The following TTC39B variants were observed in gnomAD, a reference collection of about 807,000 sequenced individuals.
TTC39B encodes tetratricopeptide repeat protein 39B.
Under a neutral mutation model 96.6 loss-of-function variants are expected in TTC39B, and 92 were observed. The ratio of observed to expected loss-of-function variants is 0.95; its 90% CI spans 0.80 to 1.13. The LOEUF is 1.13. TTC39B is among the 50% of genes most tolerant of loss of function. TTC39B has a pLI of 0.00. For missense variants in TTC39B, 955 were observed against 809.3 expected, an observed-to-expected ratio of 1.18 and a Z score of -2.18; for synonymous variants, 367 against 299.4, an observed-to-expected ratio of 1.23 and a Z score of -2.33.
intron 6 of TTC39B, among the ~76,000 whole-genome samples, chr9:15,206,118 AG>A (rs759687471): frequency 1.3e-5 from 2 of 152,192 alleles, no homozygotes; most frequent in African/African-American, 2.4e-5. Context: ...AAAAGGCATG[AG>A]AGTTTGAACT....
intron 8 of TTC39B, among the ~76,000 whole-genome samples, chr9:15,199,383 A>G (rs1047203895): frequency 1.3e-5 from 2 of 152,184 alleles, no homozygotes; most frequent in Non-Finnish European, 2.9e-5. Context: ...CTGTTGTCCT[A>G]TAACACTGAA....
chr9:15,257,188 A>T (rs1295136177), intron 2 of TTC39B, among the ~76,000 whole-genome samples: 1 of 152,224 alleles, frequency 6.6e-6, no homozygotes, highest in African/African-American at 2.4e-5. Flanking sequence ...CTATAGCTCT[A>T]TATCAATGTT....
chr9:15,187,122 C>A, intron 14 of TTC39B, 87 bp from the exon 15 acceptor site: 5 of 941,654 alleles, frequency 5.3e-6, no homozygotes, highest in South Asian at 2.0e-5. Context: ...AACAAGTCTT[C>A]CAGATATAAA....
rs367555614 is a variant in TTC39B, at chr9:15,247,551, C to T, written c.275+20363G>A. ...GATGTTGGTGAACAGCATTCTGGAC[C>T]TAAAATTCAAGAAACCCTTGATTTT... On this transcript the variant is annotated intron_variant, in intron 2 of 19. Transcript: ENST00000512701. Among the ~76,000 whole-genome samples the T allele has an allele frequency of 1.0e-3, 155 of 152,258 alleles. 1 individual carries two copies. Among genetic ancestry groups the T allele is most frequent in the African/African-American group, 2.8e-3 (115 of 41,526 alleles).
intron 13 of TTC39B, among the ~76,000 whole-genome samples, chr9:15,189,230 A>T (rs1818710443): frequency 6.6e-6 from 1 of 152,182 alleles, no homozygotes; most frequent in African/African-American, 2.4e-5. Context: ...CCTGCATGTC[A>T]CACAGGGGCT....
intron 1 of TTC39B, among the ~76,000 whole-genome samples, chr9:15,284,642 G>C (rs10961955): frequency 6.6e-6 from 1 of 152,038 alleles, no homozygotes; most frequent in African/African-American, 2.4e-5. Flanking sequence ...ATAAAAGCTG[G>C]ATTTGCATTT....
intron 2 of TTC39B, among the ~76,000 whole-genome samples, chr9:15,254,984 C>A (rs1352469589): frequency 6.6e-6 from 1 of 151,554 alleles, no homozygotes; most frequent in Non-Finnish European, 1.5e-5. Flanking sequence ...ACAGGGGAGA[C>A]CAAATACTAT....
chr9:15,249,766 C>T (rs1188038671), intron 2 of TTC39B: 4 of 501,210 alleles, frequency 8.0e-6, no homozygotes, highest in Non-Finnish European at 1.1e-5. Context: ...TTAATGAAGA[C>T]AATGTCATCT....
chr9:15,187,355 G>C (rs144380338), intron 14 of TTC39B, among the ~76,000 whole-genome samples: 1 of 152,252 alleles, frequency 6.6e-6, no homozygotes, highest in East Asian at 1.9e-4. Context: ...TGAAAAGCCT[G>C]GGCATCAGGG....
chr9:15,234,016 TGGGATGTGAGGAGCGCCTCTGACCCGCC>T (rs1564373581), intron 2 of TTC39B, among the ~76,000 whole-genome samples: 5 of 119,334 alleles, frequency 4.2e-5, no homozygotes, highest in African/African-American at 2.1e-4. Context: ...CTGCCCCGTC[TGGGATGTGAGGAGCGCCTCTGACCCGCC>T]GCCCCGTCTG....
intron 18 of TTC39B, among the ~76,000 whole-genome samples, chr9:15,175,346 C>G (rs1817876558): frequency 6.6e-6 from 1 of 151,968 alleles, no homozygotes; most frequent in Non-Finnish European, 1.5e-5. Context: ...TTAATGTAAA[C>G]CCAGCACTGA....
At chr9:15,211,001 C>A (rs1482854683) in intron 5 of TTC39B, among the ~76,000 whole-genome samples, 1 of 152,156 alleles carries the variant, frequency 6.6e-6, no homozygotes, top group Non-Finnish European at 1.5e-5. Flanking sequence ...ATGTCATCTA[C>A]ATTGAGAGAT....
At chr9:15,302,046 G>C (rs1824607781) in intron 1 of TTC39B, among the ~76,000 whole-genome samples, 1 of 152,172 alleles carries the variant, frequency 6.6e-6, no homozygotes, top group Non-Finnish European at 1.5e-5. Context: ...TGTAAGGTTG[G>C]GCACGGTGGC....
At chr9:15,173,911 C>G (rs1817790124) in intron 19 of TTC39B, among the ~76,000 whole-genome samples, 1 of 152,096 alleles carries the variant, frequency 6.6e-6, no homozygotes, top group Non-Finnish European at 1.5e-5. Context: ...TAAGTATTCC[C>G]CAGCACAGCA....
intron 19 of TTC39B, 33 bp from the exon 20 acceptor site, chr9:15,172,142 A>G: frequency 3.3e-6 from 5 of 1,529,048 alleles, no homozygotes; most frequent in Non-Finnish European, 4.5e-6. Context: ...TGTACAGTCA[A>G]AATTTCCTTA....
chr9:15,171,729 T>C (rs1000494919), exon 20 of TTC39B: 5 of 193,778 alleles, frequency 2.6e-5, no homozygotes, highest in African/African-American at 7.0e-5. Flanking sequence ...AATTAGACTA[T>C]TGCATCTGCA....
At chr9:15,293,646 C>T (rs1180177717) in intron 1 of TTC39B, among the ~76,000 whole-genome samples, 1 of 152,184 alleles carries the variant, frequency 6.6e-6, no homozygotes, top group Non-Finnish European at 1.5e-5. Context: ...TTTCTATGCA[C>T]ACTAAAATAT....
intron 2 of TTC39B, among the ~76,000 whole-genome samples, chr9:15,234,870 G>A (rs573790148): frequency 2.0e-5 from 3 of 151,910 alleles, no homozygotes; most frequent in Non-Finnish European, 4.4e-5. Flanking sequence ...CTAATCTTAA[G>A]TACCCAGGGA....
At chr9:15,223,487 G>A (rs1820957671) in intron 3 of TTC39B, among the ~76,000 whole-genome samples, 1 of 152,196 alleles carries the variant, frequency 6.6e-6, no homozygotes, top group Admixed American at 6.5e-5. Context: ...GTGTTAAGAA[G>A]CAAATAGCTA....
Sources: gnomAD v4.1 joint callset for allele counts (sites outside exome capture counted in the v4.1 genomes callset) on GRCh38, gnomAD v4.1.1 for gene constraint, MANE v1.5 for transcripts, NCBI Gene and HGNC (gene_info 2026-07-23, HGNC 2026-07-21) for gene names.